The following BLACAT1 variants were observed in gnomAD, a reference collection of about 807,000 sequenced individuals.
BLACAT1 encodes BLACAT1 overlapping LEMD1 locus.
chr1:205,442,956 T>C (rs1211912015), intron 1 of BLACAT1, among the ~76,000 whole-genome samples: 1 of 152,170 alleles, frequency 6.6e-6, no homozygotes, highest in Non-Finnish European at 1.5e-5. Context: ...GGGCCTTCAT[T>C]ACCTCATTTC....
intron 1 of BLACAT1, among the ~76,000 whole-genome samples, chr1:205,442,688 C>A (rs746957144): frequency 1.3e-5 from 2 of 152,168 alleles, no homozygotes; most frequent in African/African-American, 2.4e-5. Context: ...TATTTAATAA[C>A]CCGATTTCCA....
intron 1 of BLACAT1, among the ~76,000 whole-genome samples, chr1:205,451,942 CAG>C (rs1418515723): frequency 1.3e-5 from 2 of 151,900 alleles, no homozygotes; most frequent in African/African-American, 4.8e-5. Context: ...AGAGAGAAAG[CAG>C]AGAGCCAGAA....
intron 1 of BLACAT1, among the ~76,000 whole-genome samples, chr1:205,446,605 C>T (rs545555848): frequency 6.6e-6 from 1 of 152,316 alleles, no homozygotes; most frequent in South Asian, 2.1e-4. Context: ...GGTGGCATGG[C>T]TCTAACCTGG....
Position 205,441,466 on chromosome 1 carries a change from G to A in BLACAT1, c.-36-404C>T, listed in dbSNP as rs1053604132. Among the ~76,000 whole-genome samples, 2 of 152,118 alleles carry A rather than the reference G, an allele frequency of 1.3e-5. No homozygotes were observed. The highest frequency in any genetic ancestry group is 4.8e-5 in the African/African-American group (2 of 41,434). On this transcript the variant is annotated intron_variant, in intron 1 of 1. Transcript: ENST00000629624. This position sits in a 1 kb window ranked among gnomAD's most constrained non-coding sequence, Gnocchi z 4.3. Reference sequence around the variant, plus strand: ...TGCCACCTTACACCAGGTTCTAGCTGGGGGCTTCCACTCGCTTCTGCAGGT... The same window carrying A: ...TGCCACCTTACACCAGGTTCTAGCTAGGGGCTTCCACTCGCTTCTGCAGGT...
At chr1:205,445,460 T>C (rs1341645574) in intron 1 of BLACAT1, among the ~76,000 whole-genome samples, 2 of 152,232 alleles carry the variant, frequency 1.3e-5, no homozygotes, top group African/African-American at 4.8e-5. Flanking sequence ...AGCTCTAGCC[T>C]CTGGCTCACC....
At chr1:205,445,354 G>A (rs919747613) in intron 1 of BLACAT1, among the ~76,000 whole-genome samples, 3 of 152,206 alleles carry the variant, frequency 2.0e-5, no homozygotes, top group Non-Finnish European at 4.4e-5. Context: ...ACTTCTTCCC[G>A]GAGTTGGCAC....
At chr1:205,447,093 C>A (rs1010846782) in intron 1 of BLACAT1, among the ~76,000 whole-genome samples, 1 of 152,212 alleles carries the variant, frequency 6.6e-6, no homozygotes, top group Non-Finnish European at 1.5e-5. Context: ...AGTACTTTCC[C>A]ATGCACTGGT....
At chr1:205,439,548 C>G (rs1666259431), downstream of BLACAT1, among the ~76,000 whole-genome samples, 1 of 152,242 alleles carries the variant, frequency 6.6e-6, no homozygotes, top group African/African-American at 2.4e-5. Context: ...GACTTTTGCC[C>G]TCCCTAGTTG....
downstream of BLACAT1, chr1:205,436,229 C>T (rs1666201750): frequency 1.3e-5 from 2 of 152,178 alleles, no homozygotes; most frequent in African/African-American, 4.8e-5. Context: ...GAACTCCAGA[C>T]CTGGGGGGTG....
intron 1 of BLACAT1, among the ~76,000 whole-genome samples, chr1:205,451,207 G>A (rs1443687501): frequency 2.0e-5 from 3 of 152,162 alleles, no homozygotes; most frequent in Non-Finnish European, 4.4e-5. Context: ...GAGAGAGGCA[G>A]TCACCTTTGA....
At chr1:205,449,384 TC>T (rs1269241954) in intron 1 of BLACAT1, among the ~76,000 whole-genome samples, 1 of 151,946 alleles carries the variant, frequency 6.6e-6, no homozygotes, top group Non-Finnish European at 1.5e-5. Flanking sequence ...CTCAGACCTC[TC>T]CCAGGGGCCC....
chr1:205,447,062 A>AC (rs1439574051), intron 1 of BLACAT1, among the ~76,000 whole-genome samples: 1 of 152,256 alleles, frequency 6.6e-6, no homozygotes, highest in Non-Finnish European at 1.5e-5. Context: ...CCGTCTGGGT[A>AC]CAGCACTCCC....
At chr1:205,445,353 C>T (rs571339193) in intron 1 of BLACAT1, among the ~76,000 whole-genome samples, 3 of 152,322 alleles carry the variant, frequency 2.0e-5, no homozygotes, top group South Asian at 2.1e-4. Context: ...GACTTCTTCC[C>T]GGAGTTGGCA....
chr1:205,451,019 C>A (rs534495295), intron 1 of BLACAT1, among the ~76,000 whole-genome samples: 2 of 152,314 alleles, frequency 1.3e-5, no homozygotes, highest in South Asian at 4.2e-4. Context: ...GGGGCCACCA[C>A]AACCTTTCTG....
chr1:205,455,477 C>A (rs1163697327), intron 1 of BLACAT1, among the ~76,000 whole-genome samples: 1 of 152,162 alleles, frequency 6.6e-6, no homozygotes, highest in African/African-American at 2.4e-5. Flanking sequence ...GTCACAAACC[C>A]CTGATCCCTA....
In BLACAT1 at chr1:205,448,988, G is replaced by A. The variant is rs181571238; in HGVS notation, c.-37+6929C>T. 5.5e-4 allele frequency among the ~76,000 whole-genome samples: 83 copies of A among 152,192 alleles called. No individual in the cohort carries two copies. Among genetic ancestry groups the A allele is most frequent in the African/African-American group, 1.7e-3 (71 of 41,518 alleles). On this transcript the variant is annotated intron_variant, in intron 1 of 1. Transcript: ENST00000629624. The surrounding 1 kb of genome is among the most constrained non-coding windows in gnomAD (Gnocchi z 4.7). The stretch of plus-strand genomic sequence containing the variant: ...ACCCAGACCAGTCTGGGTGGTTACC[G>A]ACAACACCCATTCTTGCATAGTTTA...
In BLACAT1 at chr1:205,450,855, A is replaced by G. The variant is rs1047992941; in HGVS notation, c.-37+5062T>C. Among the ~76,000 whole-genome samples, 1 of 152,196 alleles carries G rather than the reference A, an allele frequency of 6.6e-6. No homozygotes were observed. The highest frequency in any genetic ancestry group is 2.4e-5 in the African/African-American group (1 of 41,442). ...TGAACCTCACTTGAAATATGGAGAAAGAGGAAGCAGGTCAAGCCTCACCTC... is the reference window on the plus strand; with the variant it reads ...TGAACCTCACTTGAAATATGGAGAAGGAGGAAGCAGGTCAAGCCTCACCTC... On this transcript the variant is annotated intron_variant, in intron 1 of 1. Transcript: ENST00000629624. The surrounding 1 kb of genome is among the most constrained non-coding windows in gnomAD (Gnocchi z 4.4).
rs1436219655 is a variant in BLACAT1, at chr1:205,446,037, TAA to T, written c.-36-4977_-36-4976del. Among the ~76,000 whole-genome samples, 4 of 152,114 alleles carry T rather than the reference TAA, an allele frequency of 2.6e-5. No homozygotes were observed. In the East Asian group the frequency reaches 7.7e-4, roughly 29 times the overall value. ...TTATGCTGGGTATATCTGAGGACTGTAAAAAAGACTTAGATTGCTGGGAATAA... is the reference window on the plus strand; with the variant it reads ...TTATGCTGGGTATATCTGAGGACTGTAAAAGACTTAGATTGCTGGGAATAA... On this transcript the variant is annotated intron_variant, in intron 1 of 1. Transcript: ENST00000629624.
At chr1:205,440,107 A>G (rs1434219176) in exon 2 of BLACAT1, among the ~76,000 whole-genome samples, 3 of 152,046 alleles carry the variant, frequency 2.0e-5, no homozygotes, top group Non-Finnish European at 4.4e-5. Flanking sequence ...AGGAGAATCA[A>G]GGGAGGGCAC....
Sources: gnomAD v4.1 joint callset for allele counts (sites outside exome capture counted in the v4.1 genomes callset) on GRCh38, gnomAD v4.1.1 for gene constraint, Gnocchi (gnomAD v3.1) non-coding constraint, MANE v1.5 for transcripts, NCBI Gene and HGNC (gene_info 2026-07-23, HGNC 2026-07-21) for gene names.